The following TMC5 variants were observed in gnomAD, a reference collection of about 807,000 sequenced individuals.
TMC5 encodes transmembrane channel-like protein 5.
A neutral mutation model predicts 110.5 loss-of-function variants in TMC5; 86 were observed. The ratio of observed to expected loss-of-function variants is 0.78; its 90% CI spans 0.65 to 0.93. The LOEUF (loss-of-function observed/expected upper bound fraction) is 0.93. Ranked by LOEUF, TMC5 falls within the 40% of genes least tolerant of loss-of-function variation. The pLI, the probability that TMC5 is intolerant of heterozygous loss-of-function variation, is 0.00. For synonymous variants in TMC5, 455 were observed against 439.5 expected (o/e 1.04, Z -0.44); for missense variants, 1,144 against 1,222.8 (o/e 0.94, Z 0.96).
rs118099348 is a variant in TMC5 at position 19,423,707 on chromosome 16, C to T, written c.-308+5615C>T. 9.4e-3 allele frequency among the ~76,000 whole-genome samples: 1,436 copies of T among 152,210 alleles called. 9 individuals are homozygous for T. The highest frequency in any genetic ancestry group is 0.017 in the Middle Eastern group (5 of 294). On this transcript the variant is annotated intron_variant, in intron 1 of 21. Coordinates refer to ENST00000542583, the MANE Select transcript of TMC5 (RefSeq NM_001261841.2). The stretch of plus-strand genomic sequence containing the variant: ...GCGGGGGTTGAGAGGTCCACACTGA[C>T]CAAGTCTCCAACACCAGCTGGGTGC...
intron 12 of TMC5, chr16:19,474,618 C>A (rs1968440893): frequency 4.1e-6 from 1 of 244,214 alleles, no homozygotes; most frequent in Non-Finnish European, 8.0e-6. Flanking sequence ...TTGAGCTTAC[C>A]TATGATTGCA....
At chr16:19,448,112 C>A (rs935795466) in intron 4 of TMC5, among the ~76,000 whole-genome samples, 1 of 146,182 alleles carries the variant, frequency 6.8e-6, no homozygotes, top group Non-Finnish European at 1.5e-5. Flanking sequence ...GCCGAGATTG[C>A]GTCACTGCAC....
chr16:19,471,748 A>C (rs1484708002), intron 10 of TMC5, among the ~76,000 whole-genome samples: 1 of 151,654 alleles, frequency 6.6e-6, no homozygotes, highest in Non-Finnish European at 1.5e-5. Flanking sequence ...ATTTATTTTT[A>C]TTTATTTGTT....
At chr16:19,482,195 C>T (rs1968635560) in intron 15 of TMC5, among the ~76,000 whole-genome samples, 1 of 152,138 alleles carries the variant, frequency 6.6e-6, no homozygotes, top group East Asian at 1.9e-4. Context: ...GTAGCTGGGA[C>T]TATAGGCATG....
At chr16:19,461,194 A>G (rs1968012724) in intron 6 of TMC5, among the ~76,000 whole-genome samples, 1 of 152,200 alleles carries the variant, frequency 6.6e-6, no homozygotes, top group South Asian at 2.1e-4. Flanking sequence ...TAACGGGGAA[A>G]CTAGCGAGTG....
intron 12 of TMC5, 53 bp downstream of exon 12, chr16:19,474,329 G>C: frequency 1.3e-6 from 2 of 1,576,220 alleles, no homozygotes; most frequent in South Asian, 2.3e-5. Flanking sequence ...GAGAGAAGTG[G>C]GATGGCAGCT....
intron 15 of TMC5, among the ~76,000 whole-genome samples, chr16:19,482,420 C>T (rs1363881523): frequency 1.3e-5 from 2 of 152,198 alleles, no homozygotes; most frequent in African/African-American, 2.4e-5. Context: ...GATGGACTAA[C>T]ACACCACCTA....
intron 10 of TMC5, among the ~76,000 whole-genome samples, chr16:19,470,692 G>C (rs1968315077): frequency 8.0e-6 from 1 of 125,282 alleles, no homozygotes; most frequent in African/African-American, 3.0e-5. Flanking sequence ...CAGAGGTTGA[G>C]AAACCCTGGT....
chr16:19,440,115 C>T lies in TMC5; in HGVS notation c.77C>T (p.Thr26Met), dbSNP rs192263908. Reference protein sequence around the residue: ...YPDYSGSQNRTQGYLKTQGYP... With the variant: ...YPDYSGSQNRMQGYLKTQGYP... The stretch of plus-strand genomic sequence containing the variant: ...GACTATTCAGGGTCTCAGAACCGTA[C>T]GCAGGGGTATTTGAAAACTCAAGGT... Residue 26 changes from threonine to methionine, a missense_variant, in exon 3 of 22, where the codon ACG becomes ATG. Thr to Met is a moderately conservative substitution (Grantham distance 81). Transcript: ENST00000542583. 17 of 1,614,128 alleles carry T rather than the reference C, an allele frequency of 1.1e-5. No individual in the cohort carries two copies. The highest frequency in any genetic ancestry group is 6.7e-5 in the African/African-American group (5 of 75,016).
chr16:19,460,250 C>T lies in TMC5; in HGVS notation c.1064C>T (p.Ala355Val). The T allele has an allele frequency of 6.2e-7, 1 of 1,612,338 alleles. No homozygotes were observed. The highest frequency in any genetic ancestry group is 8.5e-7 in the Non-Finnish European group (1 of 1,178,946). The change falls in exon 6 of 22, where the codon GCA becomes GTA. Residue 355 changes from alanine to valine, a missense_variant. Coordinates refer to ENST00000542583, the MANE Select transcript of TMC5 (RefSeq NM_001261841.2). ...TCTTTCATAGGACAGAAGTTAATCG[C>T]ATCCCTTATACCCATGACATCCAGA... is the stretch of plus-strand genomic sequence containing the variant. ...HKSPQGQKLIASLIPMTSRDR... is the reference protein window; with the variant it reads ...HKSPQGQKLIVSLIPMTSRDR...
At chr16:19,434,395 A>AT (rs1567300681) in intron 2 of TMC5, among the ~76,000 whole-genome samples, 173 of 6,768 alleles carry the variant, frequency 0.026, 6 homozygotes, top group Middle Eastern at 0.12. Context: ...ATATAGATAT[A>AT]ATATATATAT....
intron 15 of TMC5, among the ~76,000 whole-genome samples, chr16:19,485,268 TCCA>T (rs945382934): frequency 1.3e-5 from 2 of 152,070 alleles, no homozygotes; most frequent in African/African-American, 2.4e-5. Context: ...TACTAGTACG[TCCA>T]CCATTTAAAG....
intron 20 of TMC5, among the ~76,000 whole-genome samples, chr16:19,495,978 TA>T (rs1969042270): frequency 6.6e-6 from 1 of 151,352 alleles, no homozygotes; most frequent in Non-Finnish European, 1.5e-5. Context: ...AGTAAAAATA[TA>T]AAAAACAAAA....
In TMC5 at chr16:19,490,711, T is replaced by TTTCCTTCCTTCCTTCCTTCCTTCCTTCC. The variant is rs150837460; in HGVS notation, c.2747+168_2747+195dup. 13 of 389,540 alleles carry TTTCCTTCCTTCCTTCCTTCCTTCCTTCC rather than the reference T, an allele frequency of 3.3e-5. No individual in the cohort carries two copies. In the South Asian group the frequency reaches 3.5e-4, roughly 11 times the overall value. 24.1% of individuals were successfully genotyped at this position (389,540 alleles called of 1,614,324 possible). A position where few individuals can be genotyped will look rare whatever the true frequency, so the allele number is the denominator to read the frequency against. On this transcript the variant is annotated intron_variant, in intron 18 of 21. Transcript: ENST00000542583. ...CTCTACCCTTGCATAGGTAGTTTTC[T>TTTCCTTCCTTCCTTCCTTCCTTCCTTCC]TTCCTTCCTTCCTTCCTTCCTTCCT...
intron 5 of TMC5, chr16:19,457,155 C>T: frequency 1.4e-6 from 1 of 708,824 alleles, no homozygotes; most frequent in Non-Finnish European, 2.3e-6. Flanking sequence ...TTTGGGAGGC[C>T]AAGATAAGAG....
chr16:19,412,993 G>A (rs143372386), upstream of TMC5, among the ~76,000 whole-genome samples: 407 of 152,028 alleles, frequency 2.7e-3, 1 homozygote, highest in Non-Finnish European at 4.6e-3. Flanking sequence ...ACAGGTGCTC[G>A]CCTCTACACC....
intron 1 of TMC5, among the ~76,000 whole-genome samples, chr16:19,418,926 A>G (rs1012059569): frequency 1.3e-5 from 2 of 152,078 alleles, no homozygotes; most frequent in Non-Finnish European, 2.9e-5. Flanking sequence ...ACAAGGTCTG[A>G]CTATATTGCC....
intron 1 of TMC5, among the ~76,000 whole-genome samples, chr16:19,419,715 A>G (rs958719642): frequency 1.3e-5 from 2 of 151,944 alleles, no homozygotes; most frequent in Non-Finnish European, 2.9e-5. Context: ...CCGGGCCACT[A>G]ATGTTAAAAG....
chr16:19,453,514 G>A (rs1235491718), intron 5 of TMC5, among the ~76,000 whole-genome samples: 8 of 151,926 alleles, frequency 5.3e-5, no homozygotes, highest in East Asian at 3.9e-4. Flanking sequence ...ACTTGAACCC[G>A]GGAGGCGGAG....
Sources: allele counts gnomAD v4.1 joint callset (sites outside exome capture counted in the v4.1 genomes callset), GRCh38; gene constraint gnomAD v4.1.1; transcripts MANE v1.5; gene names NCBI Gene and HGNC (gene_info 2026-07-23, HGNC 2026-07-21).